AKAP9: variants seen among roughly 807,000 people sequenced by gnomAD.
AKAP9 encodes the protein A-kinase anchoring protein 9.
AKAP9 carries 311 observed loss-of-function variants against 488.5 expected under a neutral mutation model. The observed-to-expected ratio is 0.64, with a 90% CI of 0.58 to 0.70. AKAP9 has a LOEUF of 0.70. AKAP9 is among the 30% of genes least tolerant of loss of function. The probability of loss-of-function intolerance (pLI) is 0.00; values close to 1 mark genes in which losing one functional copy is unlikely to be tolerated. For synonymous variants in AKAP9, 1,462 were observed against 1,483.5 expected, an observed-to-expected ratio of 0.99 and a Z score of 0.33; for missense variants, 4,215 against 4,374.5, an observed-to-expected ratio of 0.96 and a Z score of 1.03.
intron 9 of AKAP9, among the ~76,000 whole-genome samples, chr7:92,013,326 A>G (rs1801044485): frequency 6.6e-6 from 1 of 152,114 alleles, no homozygotes; most frequent in Non-Finnish European, 1.5e-5. Context: ...TGGAGTCTTT[A>G]GAATTGAGGT....
intron 49 of AKAP9, chr7:92,109,048 A>AG (rs1414203470): frequency 1.7e-4 from 40 of 237,478 alleles, no homozygotes; most frequent in African/African-American, 9.3e-4. Context: ...CCTGTCTCAA[A>AG]GAAAAAAAAA....
At chr7:92,043,186 A>C (rs1478992334) in intron 20 of AKAP9, 1 of 256,730 alleles carries the variant, frequency 3.9e-6, no homozygotes, top group Non-Finnish European at 6.1e-6. Context: ...AATTTCTTTA[A>C]TTTTAAATTA....
chr7:92,110,175 T>C lies in AKAP9; in HGVS notation c.*16T>C. 1 of 1,581,956 alleles carries C rather than the reference T, an allele frequency of 6.3e-7. No individual in the cohort carries two copies. The highest frequency in any genetic ancestry group is 8.7e-7 in the Non-Finnish European group (1 of 1,154,678). On this transcript the variant is annotated 3_prime_UTR_variant, in exon 50 of 50. Coordinates refer to ENST00000356239, the MANE Select transcript of AKAP9 (RefSeq NM_005751.5). Reference sequence around the variant, plus strand: ...GAGAAGATAATCCTTTGAAACATCATTAATTGAAGTGATTTTAAATAGATT... The same window carrying C: ...GAGAAGATAATCCTTTGAAACATCACTAATTGAAGTGATTTTAAATAGATT...
rs184631213 is a variant in AKAP9 at position 92,084,284 on chromosome 7, G to A, written c.8647-356G>A. On this transcript the variant is annotated intron_variant, in intron 33 of 49. Coordinates refer to ENST00000356239, the MANE Select transcript of AKAP9 (RefSeq NM_005751.5). ...TGCTTTTAAGAGAAAATAAAAAAAC[G>A]GGGGCAGTCTCTTCCTTATGATCGC... Among the ~76,000 whole-genome samples, 250 of 152,242 alleles carry A rather than the reference G, an allele frequency of 1.6e-3. 1 individual carries two copies. Among genetic ancestry groups the A allele is most frequent in the Admixed American group, 3.1e-3 (47 of 15,286 alleles).
chr7:92,003,382 T>C (rs1258789509), intron 8 of AKAP9, 147 bp downstream of exon 8: 19 of 656,980 alleles, frequency 2.9e-5, no homozygotes, highest in Non-Finnish European at 4.2e-5. Flanking sequence ...GAGCCTATCA[T>C]TTATTTATCA....
In AKAP9 at chr7:91,972,451, G is replaced by A. The variant is rs373096356; in HGVS notation, c.49-1260G>A. 2.8e-4 allele frequency among the ~76,000 whole-genome samples: 42 copies of A among 152,248 alleles called. No homozygotes were observed. In the East Asian group the frequency reaches 8.1e-3, roughly 29 times the overall value. ...TTCCAGTGTAGAAACTGTGAGTCAG[G>A]GGAATATTTTCCATGTTTGGTGATG... On this transcript the variant is annotated intron_variant, in intron 1 of 49. Coordinates refer to ENST00000356239, the MANE Select transcript of AKAP9 (RefSeq NM_005751.5).
At position 91,957,630 on chromosome 7, in the gene AKAP9, A is replaced by T. The variant is rs1793185803; in HGVS notation, c.49-16081A>T. Reference sequence around the variant, plus strand: ...AGCTTTGGATAGCTATTTAACACAGATGAGTACAGTTAGCTTTATATATAT... The same window carrying T: ...AGCTTTGGATAGCTATTTAACACAGTTGAGTACAGTTAGCTTTATATATAT... On this transcript the variant is annotated intron_variant, in intron 1 of 49. Transcript: ENST00000356239. Among the ~76,000 whole-genome samples, 3 of 152,224 alleles carry T rather than the reference A, an allele frequency of 2.0e-5. No individual in the cohort carries two copies. In the South Asian group the frequency reaches 6.2e-4, roughly 31 times the overall value.
intron 48 of AKAP9, chr7:92,107,741 C>T (rs1009274737): frequency 7.2e-6 from 2 of 275,890 alleles, no homozygotes; most frequent in South Asian, 3.9e-5. Context: ...GTCCCAGCTA[C>T]TTGGGAGGCT....
chr7:91,975,921 G>GTTT (rs1186917564), intron 2 of AKAP9, among the ~76,000 whole-genome samples: 3 of 111,694 alleles, frequency 2.7e-5, no homozygotes, highest in African/African-American at 1.0e-4. Context: ...TTGTTTGTTT[G>GTTT]TTTGTTTTTT....
chr7:92,028,664 G>A (rs1182556915), intron 14 of AKAP9, among the ~76,000 whole-genome samples: 1 of 152,128 alleles, frequency 6.6e-6, no homozygotes, highest in Non-Finnish European at 1.5e-5. Context: ...TTCTAGCAAA[G>A]TTTTACAATT....
At chr7:92,060,638 C>G (rs1809607311) in intron 22 of AKAP9, among the ~76,000 whole-genome samples, 1 of 152,214 alleles carries the variant, frequency 6.6e-6, no homozygotes, top group African/African-American at 2.4e-5. Context: ...TGGTTAATGT[C>G]TCTGTATTCT....
At chr7:91,993,615 G>A (rs1798045917) in intron 5 of AKAP9, among the ~76,000 whole-genome samples, 1 of 152,118 alleles carries the variant, frequency 6.6e-6, no homozygotes, top group African/African-American at 2.4e-5. Flanking sequence ...AAACAGAAAA[G>A]TAAATGATAA....
In AKAP9 at chr7:92,077,608, C is replaced by T. The variant is rs879112750; in HGVS notation, c.6766-88C>T. 26 of 1,120,644 alleles carry T rather than the reference C, an allele frequency of 2.3e-5. No homozygotes were observed. The East Asian group carries it at 2.4e-4, about 10-fold the overall frequency. 69.4% of individuals were successfully genotyped at this position (1,120,644 alleles called of 1,614,324 possible). ...GTGTCTCTGATTTTATTCATTTGTA[C>T]GTTATAGGCTCTGATTTCTTTTGTA... is the stretch of plus-strand genomic sequence containing the variant. On this transcript the variant is annotated intron_variant, in intron 29 of 49. Transcript: ENST00000356239.
chr7:92,024,576 T>C (rs776473399), intron 14 of AKAP9, among the ~76,000 whole-genome samples: 11 of 152,016 alleles, frequency 7.2e-5, no homozygotes, highest in Non-Finnish European at 1.5e-4. Context: ...TCCATTTAGG[T>C]CAGTGATATA....
At chr7:92,040,466 T>A (rs1400224943) in intron 17 of AKAP9, among the ~76,000 whole-genome samples, 3 of 152,212 alleles carry the variant, frequency 2.0e-5, no homozygotes, top group African/African-American at 4.8e-5. Context: ...TGGAAAATAA[T>A]GATAAAGTAG....
intron 37 of AKAP9, among the ~76,000 whole-genome samples, chr7:92,088,977 C>T (rs1453871512): frequency 1.1e-4 from 16 of 152,072 alleles, no homozygotes; most frequent in Admixed American, 6.6e-5. Context: ...AATTGAGGAA[C>T]GTACAACAAA....
intron 8 of AKAP9, among the ~76,000 whole-genome samples, chr7:92,011,362 C>A (rs553277926): frequency 6.6e-6 from 1 of 152,272 alleles, no homozygotes; most frequent in East Asian, 1.9e-4. Context: ...AATTATAAAA[C>A]ACTGAAGCAT....
intron 1 of AKAP9, among the ~76,000 whole-genome samples, chr7:91,972,965 T>C (rs1795271361): frequency 6.6e-6 from 1 of 152,238 alleles, no homozygotes. Flanking sequence ...TAAATCTTTT[T>C]GCATGAACTA....
intron 21 of AKAP9, among the ~76,000 whole-genome samples, chr7:92,046,631 C>A (rs907902926): frequency 6.6e-6 from 1 of 152,100 alleles, no homozygotes; most frequent in Non-Finnish European, 1.5e-5. Flanking sequence ...TCTTTTCAAA[C>A]TTGGTGGAAG....
Sources: allele counts gnomAD v4.1 joint callset (sites outside exome capture counted in the v4.1 genomes callset), GRCh38; gene constraint gnomAD v4.1.1; transcripts MANE v1.5; gene names NCBI Gene and HGNC (gene_info 2026-07-23, HGNC 2026-07-21).